Variants in PHKA2 observed in about 807,000 individuals in gnomAD.
PHKA2 encodes phosphorylase b kinase regulatory subunit alpha, liver isoform.
Under a neutral mutation model 102.0 loss-of-function variants are expected in PHKA2, and 31 were observed. That is an observed-to-expected ratio of 0.30 (90% confidence interval 0.23 to 0.41). The LOEUF is 0.41. Among genes scored for constraint, PHKA2 ranks in the 10% least tolerant of loss-of-function variants. The pLI is 1.00. For synonymous variants in PHKA2, 455 were observed against 416.2 expected, an observed-to-expected ratio of 1.09 and a Z score of -1.13; for missense variants, 858 against 1,023.1, an observed-to-expected ratio of 0.84 and a Z score of 2.20.
At chrX:18,904,659 T>A (rs1391725903) in intron 26 of PHKA2, among the ~76,000 whole-genome samples, 2 of 112,022 alleles carry the variant, frequency 1.8e-5, no homozygotes, top group Non-Finnish European at 3.8e-5. Context: ...CACCCCTCCT[T>A]CGGGAAAGGA....
intron 9 of PHKA2, among the ~76,000 whole-genome samples, chrX:18,939,346 ATTTTAT>A (rs2048449925): frequency 9.2e-6 from 1 of 109,042 alleles, no homozygotes; most frequent in Non-Finnish European, 1.9e-5. Context: ...TGCCTCACTA[ATTTTAT>A]TTTATTTTTT....
chrX:18,943,645 T>C (rs1216605431), intron 7 of PHKA2, 65 bp downstream of exon 7: 3 of 895,622 alleles, frequency 3.3e-6, no homozygotes, highest in East Asian at 6.2e-5. Context: ...GAATCTGCAC[T>C]GGATCCCAGG....
At chrX:18,966,448 T>A (rs1166794763) in intron 1 of PHKA2, among the ~76,000 whole-genome samples, 1 of 111,762 alleles carries the variant, frequency 8.9e-6, no homozygotes, top group Non-Finnish European at 1.9e-5. Context: ...ATCTTTTTGA[T>A]CCCTGCAAAG....
At chrX:18,961,700 A>T (rs1173432125) in intron 1 of PHKA2, among the ~76,000 whole-genome samples, 2 of 107,647 alleles carry the variant, frequency 1.9e-5, no homozygotes, top group Non-Finnish European at 1.9e-5. Context: ...ATTATTATGC[A>T]TGTCCTTCTG....
chrX:18,980,263 C>T (rs925361856), intron 1 of PHKA2, among the ~76,000 whole-genome samples: 3 of 112,556 alleles, frequency 2.7e-5, no homozygotes, highest in African/African-American at 9.7e-5. Context: ...CCTCATGGGA[C>T]GGGAAAGACC....
At chrX:18,933,879 T>C (rs1488839078) in intron 11 of PHKA2, among the ~76,000 whole-genome samples, 1 of 111,511 alleles carries the variant, frequency 9.0e-6, no homozygotes, top group Non-Finnish European at 1.9e-5. Context: ...AGTCACAGAG[T>C]AATTTTTTAC....
chrX:18,969,717 T>C (rs888383697), intron 1 of PHKA2, among the ~76,000 whole-genome samples: 2 of 111,270 alleles, frequency 1.8e-5, no homozygotes, highest in Non-Finnish European at 3.8e-5. Flanking sequence ...TGAAAGGGTG[T>C]CAGGGACCTT....
At chrX:18,974,333 G>A (rs1301055411) in intron 1 of PHKA2, among the ~76,000 whole-genome samples, 1 of 111,088 alleles carries the variant, frequency 9.0e-6, no homozygotes, top group Non-Finnish European at 1.9e-5. Flanking sequence ...AATTCGACTT[G>A]CCCAATTTTT....
At chrX:18,952,595 A>G (rs1349665293) in intron 2 of PHKA2, 54 bp from the exon 3 acceptor site, 1 of 1,112,523 alleles carries the variant, frequency 9.0e-7, no homozygotes, top group Non-Finnish European at 1.2e-6. Flanking sequence ...GCTGCAGGAA[A>G]ATCACCTCCT....
chrX:18,963,169 C>T (rs1326874995), intron 1 of PHKA2, among the ~76,000 whole-genome samples: 1 of 112,868 alleles, frequency 8.9e-6, no homozygotes, highest in East Asian at 2.8e-4. Flanking sequence ...TTCCCCTGCT[C>T]TGCCCAGTGT....
Position 18,951,138 on chromosome X carries a change from G to C in PHKA2, c.420C>G (p.Leu140=), listed in dbSNP as rs747421945. The C allele has an allele frequency of 3.2e-5, 39 of 1,211,951 alleles. No individual in the cohort carries two copies. The highest frequency in any genetic ancestry group is 4.2e-5 in the Non-Finnish European group (38 of 895,484). ...WGHLQVDATS[L]FLLFLAQMTA... is the part of the protein sequence containing the mutation. ...TCATCTGGGCCAGGAACAGGAGGAA[G>C]AGAGAGGTGGCATCCACCTGGAGGT... Residue 140 remains leucine, a synonymous_variant, in exon 4 of 33, where the codon CTC becomes CTG. Coordinates refer to ENST00000379942, the MANE Select transcript of PHKA2 (RefSeq NM_000292.3).
intron 19 of PHKA2, 83 bp downstream of exon 19, chrX:18,918,598 A>G (rs1346911278): frequency 1.0e-6 from 1 of 971,107 alleles, no homozygotes. Flanking sequence ...GTCTTCTAGG[A>G]TTCTTTGGCT....
At chrX:18,929,759 C>CA (rs1205592375) in intron 12 of PHKA2, among the ~76,000 whole-genome samples, 1 of 112,077 alleles carries the variant, frequency 8.9e-6, no homozygotes, top group Non-Finnish European at 1.9e-5. Flanking sequence ...CTCTCTCTCT[C>CA]AGTCCATTCT....
At position 18,910,054 on chromosome X, in the gene PHKA2, A is replaced by G. The variant is rs767201708; in HGVS notation, c.2226+818T>C. ...GAATCAGGGAAGAGTCCTGGATAAA[A>G]TAACAAATTGTGGGAATTAATGGAA... is the stretch of plus-strand genomic sequence containing the variant. On this transcript the variant is annotated intron_variant, in intron 20 of 32. Coordinates refer to ENST00000379942, the MANE Select transcript of PHKA2 (RefSeq NM_000292.3). Among the ~76,000 whole-genome samples the G allele has an allele frequency of 2.7e-5, 3 of 112,774 alleles. No individual in the cohort carries two copies. In the East Asian group the frequency reaches 8.3e-4, roughly 31 times the overall value.
At chrX:18,956,221 G>A (rs2048771965) in intron 1 of PHKA2, among the ~76,000 whole-genome samples, 1 of 111,643 alleles carries the variant, frequency 9.0e-6, no homozygotes, top group African/African-American at 3.3e-5. Flanking sequence ...CTACTTGGGA[G>A]GCTGAGACAG....
At chrX:18,957,211 T>C in intron 1 of PHKA2, among the ~76,000 whole-genome samples, 1 of 112,601 alleles carries the variant, frequency 8.9e-6, no homozygotes. Context: ...GCCACTGCTT[T>C]CCCTTCTAAT....
intron 19 of PHKA2, among the ~76,000 whole-genome samples, chrX:18,914,388 A>G (rs1569302563): frequency 8.9e-6 from 1 of 112,463 alleles, no homozygotes; most frequent in Non-Finnish European, 1.9e-5. Context: ...AAGATAAGTG[A>G]TTTAGCTGAC....
intron 1 of PHKA2, among the ~76,000 whole-genome samples, chrX:18,961,634 C>T (rs1250576687): frequency 3.5e-5 from 3 of 85,310 alleles, no homozygotes; most frequent in Non-Finnish European, 6.4e-5. Context: ...CACTCCAGCC[C>T]GGGTAACAGC....
chrX:18,934,385 G>A (rs1034110553), intron 11 of PHKA2, among the ~76,000 whole-genome samples: 1 of 111,722 alleles, frequency 9.0e-6, no homozygotes, highest in Non-Finnish European at 1.9e-5. Flanking sequence ...CTTGGATGAT[G>A]TGGGCTGTCG....
Sources: allele counts gnomAD v4.1 joint callset (sites outside exome capture counted in the v4.1 genomes callset), GRCh38; gene constraint gnomAD v4.1.1; transcripts MANE v1.5; gene names NCBI Gene and HGNC (gene_info 2026-07-23, HGNC 2026-07-21).